IPP: variants seen among roughly 807,000 people sequenced by gnomAD.
IPP encodes the protein actin-binding protein IPP.
Under a neutral mutation model 64.1 loss-of-function variants are expected in IPP, and 41 were observed. The ratio of observed to expected loss-of-function variants is 0.64; its 90% CI spans 0.50 to 0.83. The LOEUF (loss-of-function observed/expected upper bound fraction) is 0.83. Among genes scored for constraint, IPP ranks in the 40% least tolerant of loss-of-function variants. The pLI, the probability that IPP is intolerant of heterozygous loss-of-function variation, is 0.00. For synonymous variants in IPP, 214 were observed against 235.2 expected (o/e 0.91, Z 0.83); for missense variants, 649 against 703.0 (o/e 0.92, Z 0.87).
At chr1:45,712,732 A>G (rs979323551) in intron 8 of IPP, among the ~76,000 whole-genome samples, 6 of 151,386 alleles carry the variant, frequency 4.0e-5, no homozygotes, top group African/African-American at 1.5e-4. Context: ...AGTGGCGGGC[A>G]TCTGCAGTCC....
intron 5 of IPP, among the ~76,000 whole-genome samples, chr1:45,719,663 G>T (rs896903092): frequency 2.0e-5 from 3 of 151,850 alleles, no homozygotes; most frequent in Non-Finnish European, 1.5e-5. Context: ...TATTAGTTTT[G>T]GTGGCTGGCC....
intron 5 of IPP, among the ~76,000 whole-genome samples, chr1:45,725,875 A>G (rs1448989207): frequency 7.3e-6 from 1 of 137,414 alleles, no homozygotes; most frequent in Non-Finnish European, 1.6e-5. Context: ...TTTGTTAAAC[A>G]GATGCTTGAA....
chr1:45,747,049 C>G (rs564209981), intron 1 of IPP, among the ~76,000 whole-genome samples: 1 of 152,254 alleles, frequency 6.6e-6, no homozygotes, highest in African/African-American at 2.4e-5. Context: ...GTTTTACATT[C>G]TATAGCACAG....
intron 1 of IPP, among the ~76,000 whole-genome samples, chr1:45,746,845 G>A (rs1206716864): frequency 1.3e-5 from 2 of 152,288 alleles, no homozygotes; most frequent in East Asian, 3.9e-4. Context: ...AAGCAGTTGT[G>A]ATCAGTCTAA....
chr1:45,715,409 A>G (rs558574933), intron 7 of IPP, among the ~76,000 whole-genome samples: 2 of 152,174 alleles, frequency 1.3e-5, no homozygotes, highest in South Asian at 4.2e-4. Flanking sequence ...TAGGGGGCCA[A>G]GGTGGGCAGA....
chr1:45,736,829 G>A (rs770388076), intron 3 of IPP, among the ~76,000 whole-genome samples: 4 of 151,916 alleles, frequency 2.6e-5, no homozygotes, highest in Admixed American at 6.6e-5. Context: ...CAAGAGGTCA[G>A]GAGATCGAGA....
intron 5 of IPP, among the ~76,000 whole-genome samples, chr1:45,726,499 A>T (rs953239785): frequency 1.7e-4 from 26 of 152,130 alleles, no homozygotes; most frequent in Admixed American, 3.3e-4. Context: ...TGAGCCATAC[A>T]TGGTGATGCA....
chr1:45,725,570 G>C (rs1431666966), intron 5 of IPP, among the ~76,000 whole-genome samples: 5 of 136,458 alleles, frequency 3.7e-5, no homozygotes, highest in East Asian at 2.4e-4. Flanking sequence ...GCCCGGCCAC[G>C]ACCCCGTCTG....
intron 3 of IPP, among the ~76,000 whole-genome samples, chr1:45,735,819 A>T (rs1011814225): frequency 4.9e-5 from 3 of 60,784 alleles, no homozygotes; most frequent in Admixed American, 1.5e-4. Context: ...TTTAAAAAAA[A>T]TTTTTTTGTA....
chr1:45,698,581 G>T, downstream of IPP: 1 of 589,342 alleles, frequency 1.7e-6, no homozygotes, highest in Non-Finnish European at 2.1e-6. Flanking sequence ...TAGCTTTGCA[G>T]TATGCTCTTA....
chr1:45,705,766 A>C (rs1645505480), intron 8 of IPP, among the ~76,000 whole-genome samples: 1 of 152,182 alleles, frequency 6.6e-6, no homozygotes, highest in Admixed American at 6.5e-5. Context: ...AGACTGCCCC[A>C]CTGCACTCCA....
At chr1:45,694,716 T>G, downstream of IPP, 1 of 506,586 alleles carries the variant, frequency 2.0e-6, no homozygotes, top group Non-Finnish European at 3.5e-6. Flanking sequence ...ATTAGGATAT[T>G]TGGCATGGTA....
In IPP at chr1:45,698,720, T is replaced by TTA; in HGVS notation, c.*1245_*1246insTA. 4.8e-6 allele frequency: 1 copy of TTA among 207,958 alleles called. No homozygotes were observed. Among genetic ancestry groups the TTA allele is most frequent in the Non-Finnish European group, 6.0e-6 (1 of 165,548 alleles). 12.9% of individuals were successfully genotyped at this position (207,958 alleles called of 1,614,324 possible). A position where few individuals can be genotyped will look rare whatever the true frequency, so the allele number is the denominator to read the frequency against. ...AAAAAAGGAAGAATTTTTTTTTCTT[T>TTA]TTTTTTTTTTTTTTTTGAGACAGGT... is the stretch of plus-strand genomic sequence containing the variant. On this transcript the variant is annotated 3_prime_UTR_variant, in exon 9 of 9. Transcript: ENST00000396478.
intron 3 of IPP, among the ~76,000 whole-genome samples, chr1:45,733,555 T>C (rs750487122): frequency 1.3e-5 from 2 of 150,630 alleles, no homozygotes; most frequent in Non-Finnish European, 3.0e-5. Context: ...TTAAAGAATA[T>C]TGGCCAGGCA....
intron 8 of IPP, among the ~76,000 whole-genome samples, chr1:45,707,807 A>T (rs989592915): frequency 6.6e-6 from 1 of 152,156 alleles, no homozygotes; most frequent in African/African-American, 2.4e-5. Flanking sequence ...TATGGCAGAA[A>T]ACATTCCAAC....
At position 45,727,721 on chromosome 1, in the gene IPP, T is replaced by C; in HGVS notation, c.958A>G (p.Ser320Gly). The C allele has an allele frequency of 1.2e-6, 2 of 1,602,648 alleles. No individual in the cohort carries two copies. Among genetic ancestry groups the C allele is most frequent in the Non-Finnish European group, 1.7e-6 (2 of 1,171,432 alleles). Residue 320 changes from serine to glycine, a missense_variant, in exon 5 of 9, where the codon AGC (serine) becomes GGC (glycine). Coordinates refer to ENST00000396478, the MANE Select transcript of IPP (RefSeq NM_005897.3). ...GAAGACACAGTGGTCCAGTACTGGC[T>C]AAAGGTGTCAAAACGTTCTACACAG... ...LSCVERFDTF[S>G]QYWTTVSSLH... is the part of the protein sequence containing the mutation.
intron 3 of IPP, among the ~76,000 whole-genome samples, chr1:45,730,612 C>T (rs1320651152): frequency 6.6e-6 from 1 of 152,172 alleles, no homozygotes; most frequent in Non-Finnish European, 1.5e-5. Context: ...GCATGCTTAG[C>T]TGAGGAGGTA....
intron 8 of IPP, among the ~76,000 whole-genome samples, chr1:45,707,285 T>C (rs1253799397): frequency 6.6e-6 from 1 of 151,568 alleles, no homozygotes; most frequent in African/African-American, 2.4e-5. Flanking sequence ...TAGCCAGGCG[T>C]GGTGGTGGGC....
At chr1:45,714,748 T>C (rs1244809071) in intron 7 of IPP, among the ~76,000 whole-genome samples, 1 of 152,078 alleles carries the variant, frequency 6.6e-6, no homozygotes, top group African/African-American at 2.4e-5. Flanking sequence ...CTTGGTGATC[T>C]CAGGTTCCAG....
Sources: gnomAD v4.1 joint callset for allele counts (sites outside exome capture counted in the v4.1 genomes callset) on GRCh38, gnomAD v4.1.1 for gene constraint, MANE v1.5 for transcripts, NCBI Gene and HGNC (gene_info 2026-07-23, HGNC 2026-07-21) for gene names.